TRPM3: variants seen among roughly 807,000 people sequenced by gnomAD.
The protein encoded by TRPM3 is transient receptor potential cation channel subfamily M member 3.
TRPM3 carries 77 observed loss-of-function variants against 181.2 expected under a neutral mutation model. That is an observed-to-expected ratio of 0.42 (90% CI 0.35 to 0.51). The LOEUF (loss-of-function observed/expected upper bound fraction) is 0.51, where lower values mean the gene tolerates loss of function less well. Among genes scored for constraint, TRPM3 ranks in the 20% least tolerant of loss-of-function variants. The pLI is 0.01. For synonymous variants in TRPM3, 745 were observed against 796.4 expected (o/e 0.94, Z 1.09); for missense variants, 1,759 against 2,196.7 (o/e 0.80, Z 3.98).
In TRPM3 at chr9:71,147,884, C is replaced by G. The variant is rs549419953; in HGVS notation, c.184-283373G>C. Among the ~76,000 whole-genome samples the G allele has an allele frequency of 5.3e-5, 8 of 152,206 alleles. No individual in the cohort carries two copies. The East Asian group carries it at 1.4e-3, about 26-fold the overall frequency. On this transcript the variant is annotated intron_variant, in intron 1 of 24. Coordinates refer to the TRPM3 transcript ENST00000357533. ...GTTCTAATTATGTGGCACTTTCTGA[C>G]CAACATTTCTTTTTCCAGAATCTAG...
chr9:71,364,125 CAA>C (rs1051151032), intron 1 of TRPM3, among the ~76,000 whole-genome samples: 3 of 151,128 alleles, frequency 2.0e-5, no homozygotes, highest in African/African-American at 7.3e-5. Context: ...AAAACCAAAA[CAA>C]GAAAAAGGAA....
rs116539159 is a variant in TRPM3 at position 71,403,852 on chromosome 9, T to A, written c.183+42801A>T. Among the ~76,000 whole-genome samples, 223 of 152,210 alleles carry A rather than the reference T, an allele frequency of 1.5e-3. 2 individuals are homozygous for A. The highest frequency in any genetic ancestry group is 5.2e-3 in the African/African-American group (216 of 41,532). ...TGCTGCAAGATAAACAACATGGGCA[T>A]CTTAAAAGGAGAATTAAGAATCCAC... On this transcript the variant is annotated intron_variant, in intron 1 of 24. Transcript: ENST00000357533.
chr9:70,842,070 T>C (rs577022499), intron 5 of TRPM3, among the ~76,000 whole-genome samples: 77 of 152,226 alleles, frequency 5.1e-4, no homozygotes, highest in African/African-American at 1.7e-3. Flanking sequence ...CATAAAGATA[T>C]TTTTTAAGGC....
intron 8 of TRPM3, among the ~76,000 whole-genome samples, chr9:70,681,899 G>C (rs1210105170): frequency 1.3e-5 from 2 of 152,134 alleles, no homozygotes; most frequent in African/African-American, 2.4e-5. Context: ...AGCTTTAGGA[G>C]GTGGGTCTTT....
rs1011290304 is a variant in TRPM3 at position 71,413,139 on chromosome 9, C to A, written c.183+33514G>T. 3.9e-5 allele frequency among the ~76,000 whole-genome samples: 6 copies of A among 152,154 alleles called. 1 individual carries two copies. The highest frequency in any genetic ancestry group is 6.5e-5 in the Admixed American group (1 of 15,280). On this transcript the variant is annotated intron_variant, in intron 1 of 24. Coordinates refer to the TRPM3 transcript ENST00000357533. ...GGACGGATAGCATCAGGAGAAATAC[C>A]TAATGTAAGTGACGAGTTAATGGGT...
At chr9:71,216,476 AAAAT>A (rs2079875446) in intron 1 of TRPM3, among the ~76,000 whole-genome samples, 1 of 152,246 alleles carries the variant, frequency 6.6e-6, no homozygotes, top group Non-Finnish European at 1.5e-5. Context: ...CTATTTGTGT[AAAAT>A]GTTATGAATT....
chr9:70,622,839 A>ATC (rs1006040443), intron 14 of TRPM3, among the ~76,000 whole-genome samples: 11 of 151,538 alleles, frequency 7.3e-5, no homozygotes, highest in Admixed American at 1.3e-4. Flanking sequence ...CTCAAACCGA[A>ATC]TCTCTCTCTC....
At chr9:71,237,947 A>G (rs1051682969) in intron 1 of TRPM3, among the ~76,000 whole-genome samples, 1 of 152,148 alleles carries the variant, frequency 6.6e-6, no homozygotes, top group Non-Finnish European at 1.5e-5. Flanking sequence ...TCATTCCTTC[A>G]TAAAGGCCCT....
At chr9:71,316,524 G>A (rs1298630055) in intron 1 of TRPM3, among the ~76,000 whole-genome samples, 1 of 152,142 alleles carries the variant, frequency 6.6e-6, no homozygotes, top group Non-Finnish European at 1.5e-5. Context: ...AATCACATGA[G>A]TTCTTAAAAG....
chr9:70,793,697 C>T (rs2086234623), intron 6 of TRPM3: 4 of 468,452 alleles, frequency 8.5e-6, no homozygotes, highest in South Asian at 3.1e-5. Flanking sequence ...ACTATGAAAA[C>T]CTGGCAGGAA....
chr9:71,016,752 A>G (rs936085812), intron 1 of TRPM3, among the ~76,000 whole-genome samples: 1 of 151,914 alleles, frequency 6.6e-6, no homozygotes, highest in Non-Finnish European at 1.5e-5. Flanking sequence ...CCTGTTTTCA[A>G]TTCTTTTTGG....
chr9:71,192,771 T>C (rs975368953), intron 1 of TRPM3, among the ~76,000 whole-genome samples: 2 of 151,816 alleles, frequency 1.3e-5, no homozygotes, highest in African/African-American at 2.4e-5. Flanking sequence ...GTAGTCCCAA[T>C]TGTTTATTTG....
chr9:70,640,501 A>T, intron 10 of TRPM3, 59 bp downstream of exon 10: 1 of 1,430,456 alleles, frequency 7.0e-7, no homozygotes, highest in Non-Finnish European at 9.8e-7. Context: ...GAGGCTCCTT[A>T]AACAAATACC....
At chr9:71,213,012 C>G (rs1338017154) in intron 1 of TRPM3, among the ~76,000 whole-genome samples, 1 of 152,120 alleles carries the variant, frequency 6.6e-6, no homozygotes, top group Non-Finnish European at 1.5e-5. Flanking sequence ...TATTTTTAAT[C>G]AGATATATAA....
chr9:71,353,663 A>G (rs567463108), intron 1 of TRPM3, among the ~76,000 whole-genome samples: 1 of 152,314 alleles, frequency 6.6e-6, no homozygotes, highest in African/African-American at 2.4e-5. Context: ...ATTATCCTTG[A>G]CAGATATCGC....
Position 70,798,356 on chromosome 9 carries a change from C to G in TRPM3, c.974-14077G>C, listed in dbSNP as rs114096741. Among the ~76,000 whole-genome samples the G allele has an allele frequency of 4.5e-3, 689 of 152,292 alleles. 10 individuals carry two copies. The highest frequency in any genetic ancestry group is 0.016 in the African/African-American group (670 of 41,566). On this transcript the variant is annotated intron_variant, in intron 6 of 25. Transcript: ENST00000677713. ...AGGTGTGAACCACCATGCCTGGGCC[C>G]CTCGGGGTACTATTTACTTTAGCCC...
chr9:70,755,166 G>A (rs904863658), intron 8 of TRPM3, among the ~76,000 whole-genome samples: 2 of 151,932 alleles, frequency 1.3e-5, no homozygotes, highest in African/African-American at 4.8e-5. Flanking sequence ...GAAATACAGA[G>A]AACACCACAA....
At chr9:71,310,467 C>A (rs141347595) in intron 1 of TRPM3, among the ~76,000 whole-genome samples, 1 of 152,102 alleles carries the variant, frequency 6.6e-6, no homozygotes, top group African/African-American at 2.4e-5. Flanking sequence ...ATAGGAAAAT[C>A]TCTGGAGGGG....
intron 1 of TRPM3, among the ~76,000 whole-genome samples, chr9:71,301,294 G>T (rs1276068344): frequency 6.6e-6 from 1 of 152,110 alleles, no homozygotes; most frequent in Admixed American, 6.5e-5. Flanking sequence ...GAGTAATTTT[G>T]TACTGTATAG....
Sources: allele counts gnomAD v4.1 joint callset (sites outside exome capture counted in the v4.1 genomes callset), GRCh38; gene constraint gnomAD v4.1.1; transcripts MANE v1.5; gene names NCBI Gene and HGNC (gene_info 2026-07-23, HGNC 2026-07-21).